SCN8A: variants seen among roughly 807,000 people sequenced by gnomAD.
SCN8A encodes sodium channel protein type 8 subunit alpha.
A neutral mutation model predicts 184.1 loss-of-function variants in SCN8A; 30 were observed. That is an observed-to-expected ratio of 0.16 (90% confidence interval 0.12 to 0.22). The LOEUF (loss-of-function observed/expected upper bound fraction) is 0.22, where lower values mean the gene tolerates loss of function less well. Ranked by LOEUF, SCN8A falls within the 10% of genes least tolerant of loss-of-function variation. The pLI, the probability that SCN8A is intolerant of heterozygous loss-of-function variation, is 1.00. For missense variants in SCN8A, 1,057 were observed against 2,498.9 expected, an observed-to-expected ratio of 0.42 and a Z score of 12.30; for synonymous variants, 852 against 907.0, an observed-to-expected ratio of 0.94 and a Z score of 1.09.
At chr12:51,770,723 G>A (rs765167101) in intron 19 of SCN8A, 40 bp downstream of exon 19, 30 of 1,605,192 alleles carry the variant, frequency 1.9e-5, no homozygotes, top group East Asian at 2.2e-5. Flanking sequence ...ATTGGCTGGG[G>A]AAGGGTGTAG....
intron 1 of SCN8A, among the ~76,000 whole-genome samples, chr12:51,660,995 A>G (rs1291232967): frequency 2.0e-5 from 3 of 152,210 alleles, no homozygotes; most frequent in Admixed American, 2.0e-4. Context: ...AAGCCATAAC[A>G]TCTATGTGAT....
In SCN8A at chr12:51,809,817, C is replaced by T. The variant is rs944039673; in HGVS notation, c.*2388C>T. 2 of 151,982 alleles carry T rather than the reference C, an allele frequency of 1.3e-5. No homozygotes were observed. Among genetic ancestry groups the T allele is most frequent in the Admixed American group, 1.3e-4 (2 of 15,266 alleles). 9.4% of individuals were successfully genotyped at this position (151,982 alleles called of 1,614,324 possible). A position where few individuals can be genotyped will look rare whatever the true frequency, so the allele number is the denominator to read the frequency against. ...GTCATGTTTATTTTTATTTTTTATA[C>T]TTTTCTTTCTTCTTAGAACTTAGAT... On this transcript the variant is annotated 3_prime_UTR_variant, in exon 27 of 27. Coordinates refer to ENST00000627620, the MANE Select transcript of SCN8A (RefSeq NM_001330260.2).
At chr12:51,663,191 T>C (rs1233977683) in intron 2 of SCN8A, 98 bp downstream of exon 2, 1 of 1,377,640 alleles carries the variant, frequency 7.3e-7, no homozygotes, top group African/African-American at 1.4e-5. Context: ...AAAGTTTGGA[T>C]AAGTAGTTAA....
intron 26 of SCN8A, among the ~76,000 whole-genome samples, chr12:51,797,428 A>G (rs1350419322): frequency 1.3e-5 from 2 of 152,216 alleles, no homozygotes; most frequent in African/African-American, 2.4e-5. Flanking sequence ...ACTCATGACA[A>G]TAGTCTTCAT....
intron 26 of SCN8A, among the ~76,000 whole-genome samples, chr12:51,796,195 T>C (rs1278328858): frequency 6.6e-6 from 1 of 152,220 alleles, no homozygotes; most frequent in Non-Finnish European, 1.5e-5. Flanking sequence ...TGTTAATTCA[T>C]ATAATCCTCT....
intron 1 of SCN8A, among the ~76,000 whole-genome samples, chr12:51,646,241 A>G (rs1175093131): frequency 2.6e-5 from 4 of 152,224 alleles, no homozygotes; most frequent in Non-Finnish European, 5.9e-5. Flanking sequence ...GACGGTTGCT[A>G]TGGTAACTAT....
intron 9 of SCN8A, 80 bp downstream of exon 9, chr12:51,702,994 T>C: frequency 7.6e-7 from 1 of 1,316,268 alleles, no homozygotes; most frequent in Non-Finnish European, 1.0e-6. Context: ...GTGAGAGACA[T>C]TTAGTGAAGA....
intron 12 of SCN8A, among the ~76,000 whole-genome samples, chr12:51,733,885 A>G (rs891989367): frequency 6.6e-6 from 1 of 152,136 alleles, no homozygotes; most frequent in African/African-American, 2.4e-5. Flanking sequence ...CACTAATGCT[A>G]CTTTGAATTT....
chr12:51,701,867 AC>A (rs1941695680), intron 8 of SCN8A, among the ~76,000 whole-genome samples: 1 of 152,206 alleles, frequency 6.6e-6, no homozygotes, highest in Non-Finnish European at 1.5e-5. Context: ...TAACATGACC[AC>A]AATGTCTAGA....
chr12:51,800,927 C>G (rs1322318148), intron 26 of SCN8A, among the ~76,000 whole-genome samples: 2 of 152,192 alleles, frequency 1.3e-5, no homozygotes, highest in African/African-American at 4.8e-5. Flanking sequence ...CAGGCCTCCC[C>G]TTTATTCAAG....
intron 23 of SCN8A, among the ~76,000 whole-genome samples, chr12:51,789,059 G>C (rs1938168886): frequency 1.3e-5 from 2 of 152,088 alleles, no homozygotes; most frequent in Admixed American, 1.3e-4. Flanking sequence ...CCTCCCTGTG[G>C]CCTCATGATT....
intron 11 of SCN8A, chr12:51,713,618 G>C (rs754141402): frequency 1.6e-6 from 1 of 635,626 alleles, no homozygotes; most frequent in Non-Finnish European, 2.8e-6. Flanking sequence ...TTGAGCCTGA[G>C]TTCTTCTTGA....
intron 1 of SCN8A, among the ~76,000 whole-genome samples, chr12:51,648,025 G>T (rs180785530): frequency 6.6e-4 from 85 of 128,328 alleles, no homozygotes; most frequent in African/African-American, 2.0e-3. Flanking sequence ...AGATGGTGGC[G>T]TGAGGTGTGC....
chr12:51,636,025 C>T (rs1053880500), intron 1 of SCN8A, among the ~76,000 whole-genome samples: 2 of 152,304 alleles, frequency 1.3e-5, no homozygotes, highest in South Asian at 2.1e-4. Flanking sequence ...GACGCAATCT[C>T]GCTCTGTCGC....
At chr12:51,687,281 CT>C in intron 5 of SCN8A, 62 bp downstream of exon 5, 1 of 1,591,146 alleles carries the variant, frequency 6.3e-7, no homozygotes, top group Non-Finnish European at 8.6e-7. Context: ...AGTTGTACTC[CT>C]GGGTCTGTTT....
intron 1 of SCN8A, among the ~76,000 whole-genome samples, chr12:51,619,901 T>G (rs1418347074): frequency 6.6e-6 from 1 of 152,212 alleles, no homozygotes; most frequent in Non-Finnish European, 1.5e-5. Flanking sequence ...TCATGTGTTC[T>G]CACCTACACA....
In SCN8A at chr12:51,751,437, C is replaced by T; in HGVS notation, c.2214C>T (p.Tyr738=). 2 of 1,613,940 alleles carry T rather than the reference C, an allele frequency of 1.2e-6. No homozygotes were observed. The highest frequency in any genetic ancestry group is 1.7e-6 in the Non-Finnish European group (2 of 1,179,864). The part of the protein sequence containing the change: ...NTFLIWECHP[Y]WIKLKEIVNL... ...TCCTCATCTGGGAGTGCCACCCCTA[C>T]TGGATAAAACTGAAAGAGATTGTGA... Residue 738 remains tyrosine, a synonymous_variant, in exon 14 of 27, where the codon TAC becomes TAT. Transcript: ENST00000627620.
intron 21 of SCN8A, among the ~76,000 whole-genome samples, chr12:51,781,181 TG>T (rs1439376344): frequency 2.0e-5 from 3 of 152,024 alleles, no homozygotes; most frequent in Non-Finnish European, 2.9e-5. Flanking sequence ...ATCAGCCAGG[TG>T]GGGACTGTGG....
intron 1 of SCN8A, among the ~76,000 whole-genome samples, chr12:51,640,522 G>A (rs1009218210): frequency 1.3e-5 from 2 of 151,962 alleles, no homozygotes; most frequent in African/African-American, 4.8e-5. Flanking sequence ...AGGTAAGATA[G>A]CATTCTAATC....
Sources: allele counts gnomAD v4.1 joint callset (sites outside exome capture counted in the v4.1 genomes callset), GRCh38; gene constraint gnomAD v4.1.1; transcripts MANE v1.5; gene names NCBI Gene and HGNC (gene_info 2026-07-23, HGNC 2026-07-21).